PLXDC2: variants seen among roughly 807,000 people sequenced by gnomAD.
PLXDC2 encodes the protein plexin domain-containing protein 2.
In PLXDC2, 40 loss-of-function variants were observed where a neutral mutation model predicts 68.9. The ratio of observed to expected loss-of-function variants is 0.58; its 90% confidence interval spans 0.45 to 0.76. The LOEUF is 0.76. PLXDC2 is among the 30% of genes least tolerant of loss of function. The pLI, the probability that PLXDC2 is intolerant of heterozygous loss-of-function variation, is 0.00. For synonymous variants in PLXDC2, 243 were observed against 234.2 expected, an observed-to-expected ratio of 1.04 and a Z score of -0.34; for missense variants, 644 against 661.9, an observed-to-expected ratio of 0.97 and a Z score of 0.30.
At chr10:19,884,851 C>A (rs1235590441) in intron 1 of PLXDC2, among the ~76,000 whole-genome samples, 2 of 152,138 alleles carry the variant, frequency 1.3e-5, no homozygotes, top group African/African-American at 4.8e-5. Context: ...GATTTATAGT[C>A]CTTTGGGTAT....
At chr10:20,081,555 A>G (rs1373098898) in intron 4 of PLXDC2, among the ~76,000 whole-genome samples, 1 of 152,192 alleles carries the variant, frequency 6.6e-6, no homozygotes, top group Non-Finnish European at 1.5e-5. Context: ...ATAATAGCTG[A>G]GTGCTTTCCA....
chr10:19,931,897 G>A (rs1833641066), intron 1 of PLXDC2, among the ~76,000 whole-genome samples: 1 of 151,814 alleles, frequency 6.6e-6, no homozygotes, highest in Admixed American at 6.6e-5. Context: ...AAAAATTCAG[G>A]AAATATACTT....
At chr10:20,276,205 T>C (rs1836005135) in intron 13 of PLXDC2, among the ~76,000 whole-genome samples, 1 of 152,158 alleles carries the variant, frequency 6.6e-6, no homozygotes, top group African/African-American at 2.4e-5. Context: ...TCTTTCATAC[T>C]CATGCCTGTA....
At chr10:20,084,641 A>C (rs1033104869) in intron 4 of PLXDC2, among the ~76,000 whole-genome samples, 8 of 152,012 alleles carry the variant, frequency 5.3e-5, no homozygotes, top group Admixed American at 1.3e-4. Context: ...GCAAGAAGGA[A>C]TAAACTAGCC....
chr10:19,995,657 G>A (rs1336400040), intron 1 of PLXDC2, among the ~76,000 whole-genome samples: 2 of 152,170 alleles, frequency 1.3e-5, no homozygotes, highest in Non-Finnish European at 2.9e-5. Context: ...CTTGCAAATA[G>A]CACTTTCTAA....
At chr10:20,038,686 T>G (rs567296762) in intron 2 of PLXDC2, among the ~76,000 whole-genome samples, 1 of 152,344 alleles carries the variant, frequency 6.6e-6, no homozygotes, top group African/African-American at 2.4e-5. Flanking sequence ...TGTGTTTAAA[T>G]AATGTTCATT....
At chr10:20,213,721 T>C (rs1835099974) in intron 10 of PLXDC2, among the ~76,000 whole-genome samples, 1 of 152,108 alleles carries the variant, frequency 6.6e-6, no homozygotes, top group African/African-American at 2.4e-5. Context: ...TTAAAGTTGA[T>C]TGGAAATTTT....
intron 1 of PLXDC2, among the ~76,000 whole-genome samples, chr10:19,911,359 A>G (rs1271930611): frequency 6.6e-6 from 1 of 152,122 alleles, no homozygotes; most frequent in African/African-American, 2.4e-5. Flanking sequence ...TAAATACTGA[A>G]TGCCTCCTGT....
chr10:19,852,409 G>A (rs1837134861), intron 1 of PLXDC2, among the ~76,000 whole-genome samples: 1 of 109,052 alleles, frequency 9.2e-6, no homozygotes, highest in African/African-American at 3.6e-5. Flanking sequence ...CTGGGTGACA[G>A]AGCAAGACCC....
chr10:20,267,368 A>G (rs1835884946), intron 13 of PLXDC2, among the ~76,000 whole-genome samples: 1 of 152,152 alleles, frequency 6.6e-6, no homozygotes, highest in Non-Finnish European at 1.5e-5. Context: ...GACTTGCCAT[A>G]GGCCTTAGTG....
In PLXDC2 at chr10:20,281,315, G is replaced by A. The variant is rs1045199611; in HGVS notation, c.*1496G>A. The A allele has an allele frequency of 2.0e-5, 3 of 152,138 alleles. No individual in the cohort carries two copies. Among genetic ancestry groups the A allele is most frequent in the African/African-American group, 7.2e-5 (3 of 41,446 alleles). The allele number at this position is 152,138 out of a possible 1,614,324, so 9.4% of individuals were successfully genotyped here. A position where few individuals can be genotyped will look rare whatever the true frequency, so the allele number is the denominator to read the frequency against. On this transcript the variant is annotated 3_prime_UTR_variant, in exon 14 of 14. Coordinates refer to ENST00000377252, the MANE Select transcript of PLXDC2 (RefSeq NM_032812.9). ...TTAATATACATACTGAGCTCCTAAA[G>A]TTTAAATTCAGGTACTGAGTGTACA... is the stretch of plus-strand genomic sequence containing the variant.
chr10:19,897,638 C>CT lies in PLXDC2; in HGVS notation c.112+80453dup, dbSNP rs35796949. Reference sequence around the variant, plus strand: ...TCTGTGTTGTGTTTAAATTTTTAAGCTTTTTTAAGACTATATATAAAATAT... The same window carrying CT: ...TCTGTGTTGTGTTTAAATTTTTAAGCTTTTTTTAAGACTATATATAAAATAT... On this transcript the variant is annotated intron_variant, in intron 1 of 13. Coordinates refer to ENST00000377252, the MANE Select transcript of PLXDC2 (RefSeq NM_032812.9). 3.1e-3 allele frequency among the ~76,000 whole-genome samples: 475 copies of CT among 152,142 alleles called. 1 individual carries two copies. Among genetic ancestry groups the CT allele is most frequent in the African/African-American group, 0.011 (444 of 41,532 alleles).
intron 12 of PLXDC2, among the ~76,000 whole-genome samples, chr10:20,230,767 CAA>C (rs1279231737): frequency 1.5e-5 from 1 of 65,200 alleles, no homozygotes. Flanking sequence ...TTAAGTTAGA[CAA>C]AAAAAAAAAA....
intron 1 of PLXDC2, among the ~76,000 whole-genome samples, chr10:19,923,098 C>T (rs1489060707): frequency 1.3e-5 from 2 of 152,018 alleles, no homozygotes; most frequent in African/African-American, 4.8e-5. Flanking sequence ...ATTTTATAAG[C>T]TGTTCAGGGC....
At chr10:20,007,077 T>C (rs529186252) in intron 2 of PLXDC2, among the ~76,000 whole-genome samples, 2 of 152,318 alleles carry the variant, frequency 1.3e-5, no homozygotes, top group South Asian at 4.1e-4. Flanking sequence ...ATATAAAGGC[T>C]TACAGGGCTT....
intron 1 of PLXDC2, among the ~76,000 whole-genome samples, chr10:19,979,659 C>T (rs1318196322): frequency 1.3e-5 from 2 of 152,124 alleles, no homozygotes; most frequent in Non-Finnish European, 1.5e-5. Flanking sequence ...GGCGTGAGCT[C>T]CCGCACCTTT....
rs1032271162 is a variant in PLXDC2, at chr10:20,282,340, T to C, written c.*2521T>C. The C allele has an allele frequency of 6.6e-6, 1 of 152,140 alleles. No individual in the cohort carries two copies. The highest frequency in any genetic ancestry group is 1.5e-5 in the Non-Finnish European group (1 of 68,012). 9.4% of individuals were successfully genotyped at this position (152,140 alleles called of 1,614,324 possible). On this transcript the variant is annotated 3_prime_UTR_variant, in exon 14 of 14. Transcript: ENST00000377252. ...TGTTCCCATGTGAGAAAACATACAG[T>C]TTCTGAAAATTCAAAATGGTCATCA...
intron 4 of PLXDC2, among the ~76,000 whole-genome samples, chr10:20,072,810 C>T (rs1836358754): frequency 6.6e-6 from 1 of 152,128 alleles, no homozygotes; most frequent in South Asian, 2.1e-4. Context: ...GGAAAGACTT[C>T]CAGACAAAAG....
chr10:20,055,553 C>A (rs577796981), intron 3 of PLXDC2, among the ~76,000 whole-genome samples: 28 of 152,158 alleles, frequency 1.8e-4, no homozygotes, highest in Middle Eastern at 3.4e-3. Context: ...TAATGTCAAA[C>A]AGTAGGTTGC....
Sources: gnomAD v4.1 joint callset for allele counts (sites outside exome capture counted in the v4.1 genomes callset) on GRCh38, gnomAD v4.1.1 for gene constraint, MANE v1.5 for transcripts, NCBI Gene and HGNC (gene_info 2026-07-23, HGNC 2026-07-21) for gene names.